REEP3: variants seen among roughly 807,000 people sequenced by gnomAD.
REEP3 encodes receptor accessory protein 3, also known as receptor expression-enhancing protein 3.
A neutral mutation model predicts 41.3 loss-of-function variants in REEP3; 20 were observed. The ratio of observed to expected loss-of-function variants is 0.48; its 90% CI spans 0.34 to 0.70. REEP3 has a LOEUF of 0.70. Ranked by LOEUF, REEP3 falls within the 30% of genes least tolerant of loss-of-function variation. The probability of loss-of-function intolerance (pLI) is 0.01; values close to 1 mark genes in which losing one functional copy is unlikely to be tolerated. For synonymous variants in REEP3, 104 were observed against 101.8 expected (o/e 1.02, Z -0.13); for missense variants, 271 against 308.8 (o/e 0.88, Z 0.92).
chr10:63,571,916 C>T (rs569326075), intron 2 of REEP3, among the ~76,000 whole-genome samples: 3 of 152,294 alleles, frequency 2.0e-5, no homozygotes, highest in Non-Finnish European at 2.9e-5. Context: ...TACCATGCTA[C>T]CTTTAGAAAC....
At chr10:63,602,752 T>TTA (rs1349013296) in intron 5 of REEP3, among the ~76,000 whole-genome samples, 2 of 152,210 alleles carry the variant, frequency 1.3e-5, no homozygotes, top group Admixed American at 1.3e-4. Context: ...CCCACTCTAT[T>TTA]ATCTTATCCT....
At chr10:63,561,053 T>C (rs557983359) in intron 1 of REEP3, among the ~76,000 whole-genome samples, 1 of 152,330 alleles carries the variant, frequency 6.6e-6, no homozygotes, top group East Asian at 1.9e-4. Context: ...TTCTACTTTC[T>C]ACTCTTACAA....
intron 1 of REEP3, among the ~76,000 whole-genome samples, chr10:63,529,124 T>G (rs760621085): frequency 2.1e-4 from 32 of 152,234 alleles, no homozygotes; most frequent in Non-Finnish European, 3.7e-4. Context: ...GGGACTGCCT[T>G]TTTTTCCCTC....
chr10:63,613,932 A>C (rs1165396296), intron 6 of REEP3, among the ~76,000 whole-genome samples: 1 of 152,226 alleles, frequency 6.6e-6, no homozygotes, highest in Non-Finnish European at 1.5e-5. Context: ...ATGATATCAA[A>C]ACCAGAAAAC....
chr10:63,609,534 G>T (rs965518787), intron 5 of REEP3, among the ~76,000 whole-genome samples: 2 of 151,990 alleles, frequency 1.3e-5, no homozygotes, highest in African/African-American at 2.4e-5. Context: ...GCCAAGGCAG[G>T]CAGATCCCCT....
rs370735252 is a variant in REEP3 at position 63,537,931 on chromosome 10, G to C, written c.32+16354G>C. On this transcript the variant is annotated intron_variant, in intron 1 of 7. Transcript: ENST00000373758. Reference sequence around the variant, plus strand: ...TTGAGGTTCTGGAGGTACATACATAGATAGCCACTTAAAAGCTTTCTTCCC... The same window carrying C: ...TTGAGGTTCTGGAGGTACATACATACATAGCCACTTAAAAGCTTTCTTCCC... 3.9e-5 allele frequency among the ~76,000 whole-genome samples: 6 copies of C among 151,990 alleles called. No homozygotes were observed. The East Asian group carries it at 7.7e-4, about 20-fold the overall frequency.
intron 2 of REEP3, among the ~76,000 whole-genome samples, chr10:63,591,719 A>C (rs1259148116): frequency 6.6e-6 from 1 of 152,246 alleles, no homozygotes; most frequent in Non-Finnish European, 1.5e-5. Flanking sequence ...TGATGACTTC[A>C]TCTGAAAATT....
intron 1 of REEP3, among the ~76,000 whole-genome samples, chr10:63,556,400 G>A (rs1028077169): frequency 6.6e-6 from 1 of 151,956 alleles, no homozygotes; most frequent in Non-Finnish European, 1.5e-5. Context: ...GGGATTACAG[G>A]CGTGAGCCAC....
intron 1 of REEP3, among the ~76,000 whole-genome samples, chr10:63,533,710 C>CTTTTTTTTTTTTT (rs71025187): frequency 4.9e-5 from 5 of 101,052 alleles, no homozygotes; most frequent in Non-Finnish European, 6.5e-5. Context: ...GTATGTAAAT[C>CTTTTTTTTTTTTT]TTTTTTTTTT....
chr10:63,610,584 T>A (rs1360469283), intron 6 of REEP3, among the ~76,000 whole-genome samples: 2 of 151,846 alleles, frequency 1.3e-5, no homozygotes, highest in African/African-American at 2.4e-5. Flanking sequence ...AAAATTAAAA[T>A]ATATATATAT....
intron 2 of REEP3, among the ~76,000 whole-genome samples, chr10:63,567,976 G>A (rs1035258253): frequency 6.6e-6 from 1 of 151,974 alleles, no homozygotes; most frequent in Non-Finnish European, 1.5e-5. Context: ...TACATAGTTG[G>A]GCTCTCAAAT....
intron 1 of REEP3, among the ~76,000 whole-genome samples, chr10:63,545,944 G>T (rs1431579686): frequency 6.6e-6 from 1 of 152,188 alleles, no homozygotes; most frequent in Non-Finnish European, 1.5e-5. Flanking sequence ...AAGCCTCTGA[G>T]AAGTGGATAT....
chr10:63,558,747 A>AC (rs1955714021), intron 1 of REEP3, among the ~76,000 whole-genome samples: 1 of 151,960 alleles, frequency 6.6e-6, no homozygotes, highest in African/African-American at 2.4e-5. Flanking sequence ...TGTGTCAAAA[A>AC]AAATAAAAAA....
intron 1 of REEP3, among the ~76,000 whole-genome samples, chr10:63,539,102 C>G (rs1955502333): frequency 6.6e-6 from 1 of 152,148 alleles, no homozygotes; most frequent in Non-Finnish European, 1.5e-5. Context: ...TGCACTCCTA[C>G]AGTTGCCCGA....
chr10:63,556,635 T>TTG (rs1955687636), intron 1 of REEP3, among the ~76,000 whole-genome samples: 1 of 7,190 alleles, frequency 1.4e-4, no homozygotes, highest in Non-Finnish European at 3.8e-4. Context: ...TGTTGTTTTG[T>TTG]TTTTTTTTTT....
chr10:63,588,325 A>G (rs1271081955), intron 2 of REEP3, among the ~76,000 whole-genome samples: 2 of 152,168 alleles, frequency 1.3e-5, no homozygotes, highest in East Asian at 1.9e-4. Flanking sequence ...ATCTTGTTCC[A>G]TTAAATATTC....
chr10:63,532,560 G>T (rs1433385251), intron 1 of REEP3, among the ~76,000 whole-genome samples: 1 of 151,752 alleles, frequency 6.6e-6, no homozygotes, highest in African/African-American at 2.4e-5. Context: ...TACTCGAAGG[G>T]AGGCAGAATG....
chr10:63,560,450 C>G (rs1955730059), intron 1 of REEP3, among the ~76,000 whole-genome samples: 1 of 152,108 alleles, frequency 6.6e-6, no homozygotes, highest in East Asian at 1.9e-4. Flanking sequence ...TAAGTATTTT[C>G]CGTATCTGAA....
chr10:63,531,040 A>G (rs556239389), intron 1 of REEP3, among the ~76,000 whole-genome samples: 1 of 152,316 alleles, frequency 6.6e-6, no homozygotes, highest in East Asian at 1.9e-4. Flanking sequence ...CTATTACTGA[A>G]GTAAATTTAC....
Sources: gnomAD v4.1 joint callset for allele counts (sites outside exome capture counted in the v4.1 genomes callset) on GRCh38, gnomAD v4.1.1 for gene constraint, MANE v1.5 for transcripts, NCBI Gene and HGNC (gene_info 2026-07-23, HGNC 2026-07-21) for gene names.